TBC1D22A: variants seen among roughly 807,000 people sequenced by gnomAD.
TBC1D22A encodes TBC1 domain family member 22A, also known as putative GTPase activator.
A neutral mutation model predicts 60.2 loss-of-function variants in TBC1D22A; 38 were observed. The observed-to-expected ratio is 0.63, with a 90% CI of 0.49 to 0.83. The LOEUF (loss-of-function observed/expected upper bound fraction) is 0.83, where lower values mean the gene tolerates loss of function less well. Among genes scored for constraint, TBC1D22A ranks in the 40% least tolerant of loss-of-function variants. TBC1D22A has a pLI of 0.00. For synonymous variants in TBC1D22A, 302 were observed against 281.7 expected, an observed-to-expected ratio of 1.07 and a Z score of -0.72; for missense variants, 628 against 701.0, an observed-to-expected ratio of 0.90 and a Z score of 1.18.
intron 1 of TBC1D22A, among the ~76,000 whole-genome samples, chr22:46,765,063 A>G (rs970165593): frequency 7.9e-5 from 12 of 152,200 alleles, no homozygotes; most frequent in African/African-American, 2.7e-4. Flanking sequence ...CTTTGATGCT[A>G]TTCTGTGTCT....
chr22:46,974,484 C>G (rs1245571652), intron 9 of TBC1D22A, 85 bp downstream of exon 9: 1 of 1,124,462 alleles, frequency 8.9e-7, no homozygotes, highest in Non-Finnish European at 1.3e-6. Flanking sequence ...GCTCCTGAGT[C>G]TCAGTGTGGC....
intron 11 of TBC1D22A, among the ~76,000 whole-genome samples, chr22:47,064,966 G>C (rs1421766536): frequency 6.6e-6 from 1 of 152,032 alleles, no homozygotes; most frequent in Non-Finnish European, 1.5e-5. Context: ...TTAAAAATTT[G>C]TTTATTATTT....
intron 4 of TBC1D22A, among the ~76,000 whole-genome samples, chr22:46,860,464 T>G (rs2087802917): frequency 1.7e-5 from 1 of 59,732 alleles, no homozygotes; most frequent in Non-Finnish European, 2.9e-5. Flanking sequence ...TCCATAGAGG[T>G]CCGCGCAGTG....
At chr22:46,906,057 G>C (rs926429097) in intron 7 of TBC1D22A, among the ~76,000 whole-genome samples, 2 of 152,096 alleles carry the variant, frequency 1.3e-5, no homozygotes, top group African/African-American at 4.8e-5. Context: ...CGTGCGGGGC[G>C]CCTGGGACCT....
rs1397499527 is a variant in TBC1D22A at position 46,834,352 on chromosome 22, T to TGCAGAGGTCTTA, written c.637+36737_637+36748dup. On this transcript the variant is annotated intron_variant, in intron 4 of 12. Transcript: ENST00000337137. ...CCCCTGTGGAGCACAGGAGTACAAG[T>TGCAGAGGTCTTA]GCAGAGGTCTTAGCAGTCTTGTTGG... Among the ~76,000 whole-genome samples, 5 of 152,294 alleles carry TGCAGAGGTCTTA rather than the reference T, an allele frequency of 3.3e-5. No homozygotes were observed. The East Asian group carries it at 7.7e-4, about 23-fold the overall frequency.
chr22:47,140,368 G>A (rs1012628526), intron 12 of TBC1D22A, among the ~76,000 whole-genome samples: 6 of 151,774 alleles, frequency 4.0e-5, no homozygotes, highest in East Asian at 1.9e-4. Flanking sequence ...TCAGGAGATC[G>A]AGACCACAGT....
chr22:46,863,164 C>T (rs2066897223), intron 4 of TBC1D22A, among the ~76,000 whole-genome samples: 1 of 152,142 alleles, frequency 6.6e-6, no homozygotes, highest in African/African-American at 2.4e-5. Context: ...GCAACATGCG[C>T]CCCGTCCTCC....
chr22:47,170,423 G>A (rs2068386550), intron 12 of TBC1D22A, among the ~76,000 whole-genome samples: 1 of 152,326 alleles, frequency 6.6e-6, no homozygotes, highest in East Asian at 1.9e-4. Flanking sequence ...CATGTAAGTT[G>A]CATCTAATGG....
intron 10 of TBC1D22A, among the ~76,000 whole-genome samples, chr22:47,020,187 A>G (rs1209407250): frequency 4.6e-5 from 7 of 152,242 alleles, no homozygotes; most frequent in Admixed American, 6.5e-5. Flanking sequence ...TGGGAGGAAC[A>G]GCCTTGCAAA....
At chr22:47,002,428 CT>C (rs2148256595) in intron 10 of TBC1D22A, among the ~76,000 whole-genome samples, 1 of 152,314 alleles carries the variant, frequency 6.6e-6, no homozygotes, top group Non-Finnish European at 1.5e-5. Context: ...CCAGCCCCAC[CT>C]GGTACTCAGT....
intron 12 of TBC1D22A, among the ~76,000 whole-genome samples, chr22:47,123,190 C>T (rs545120484): frequency 2.0e-5 from 3 of 152,254 alleles, no homozygotes; most frequent in African/African-American, 7.2e-5. Flanking sequence ...CCAGCCCTTC[C>T]CTTTGGCCTG....
chr22:47,055,161 G>C (rs2063353462), intron 11 of TBC1D22A, among the ~76,000 whole-genome samples: 1 of 152,258 alleles, frequency 6.6e-6, no homozygotes, highest in South Asian at 2.1e-4. Flanking sequence ...GCCCACACCT[G>C]CCAGGCTGGC....
intron 11 of TBC1D22A, among the ~76,000 whole-genome samples, chr22:47,038,907 A>G (rs766349962): frequency 3.9e-4 from 60 of 152,316 alleles, no homozygotes; most frequent in Admixed American, 1.3e-3. Flanking sequence ...CTGTCAGTCT[A>G]GTGCTATTGA....
chr22:46,787,163 A>G (rs886467890), intron 1 of TBC1D22A, among the ~76,000 whole-genome samples: 1 of 152,208 alleles, frequency 6.6e-6, no homozygotes. Flanking sequence ...TAAGGTTGAT[A>G]ATAATGTCTT....
intron 12 of TBC1D22A, among the ~76,000 whole-genome samples, chr22:47,143,808 G>C (rs992396029): frequency 6.6e-6 from 1 of 152,246 alleles, no homozygotes; most frequent in African/African-American, 2.4e-5. Context: ...AGTTGCCAGA[G>C]GTGCATGAGG....
At chr22:46,846,781 T>C (rs2087016479) in intron 4 of TBC1D22A, among the ~76,000 whole-genome samples, 1 of 152,142 alleles carries the variant, frequency 6.6e-6, no homozygotes. Context: ...TATCAAGATA[T>C]GCCACCAGCC....
intron 8 of TBC1D22A, among the ~76,000 whole-genome samples, chr22:46,946,483 G>A (rs972119487): frequency 3.3e-5 from 5 of 152,206 alleles, no homozygotes; most frequent in African/African-American, 4.8e-5. Context: ...GCAAGTAGAA[G>A]CCTGAGGCCG....
At chr22:47,155,702 G>T (rs538836131) in intron 12 of TBC1D22A, among the ~76,000 whole-genome samples, 7 of 151,956 alleles carry the variant, frequency 4.6e-5, no homozygotes, top group African/African-American at 1.5e-4. Flanking sequence ...GTTCTCCCAC[G>T]GTCTCCTGTG....
chr22:46,908,159 G>T (rs1569206242), intron 7 of TBC1D22A, among the ~76,000 whole-genome samples: 1 of 152,238 alleles, frequency 6.6e-6, no homozygotes, highest in Non-Finnish European at 1.5e-5. Context: ...GAGCATGGGG[G>T]TGTTAGCAGG....
Sources: gnomAD v4.1 joint callset for allele counts (sites outside exome capture counted in the v4.1 genomes callset) on GRCh38, gnomAD v4.1.1 for gene constraint, MANE v1.5 for transcripts, NCBI Gene and HGNC (gene_info 2026-07-23, HGNC 2026-07-21) for gene names.